XKR6: variants seen among roughly 807,000 people sequenced by gnomAD.
The protein encoded by XKR6 is XK-related protein 6.
A neutral mutation model predicts 56.7 loss-of-function variants in XKR6; 22 were observed. The ratio of observed to expected loss-of-function variants is 0.39; its 90% CI spans 0.28 to 0.55. The LOEUF (loss-of-function observed/expected upper bound fraction) is 0.55. Ranked by LOEUF, XKR6 falls within the 20% of genes least tolerant of loss-of-function variation. XKR6 has a pLI of 0.66. For synonymous variants in XKR6, 524 were observed against 387.8 expected (o/e 1.35, Z -4.13); for missense variants, 852 against 889.0 (o/e 0.96, Z 0.53).
Position 10,898,627 on chromosome 8 carries a change from G to A in XKR6, c.1251C>T (p.Leu417=). The change falls in exon 3 of 3, where the codon CTC becomes CTT. Residue 417 remains leucine (L), a synonymous_variant. Transcript: ENST00000416569. The surrounding 1 kb of genome is among the most constrained non-coding windows in gnomAD (Gnocchi z 6.6). Reference sequence around the variant, plus strand: ...ACACGATCCCTACCACCATGTTGAAGAGGATCTCCTCCCACTTGGACATGC... The same window carrying A: ...ACACGATCCCTACCACCATGTTGAAAAGGATCTCCTCCCACTTGGACATGC... ...DFCMSKWEEI[L]FNMVVGIVYI... 6.2e-7 allele frequency: 1 copy of A among 1,614,176 alleles called. No homozygotes were observed. Among genetic ancestry groups the A allele is most frequent in the Non-Finnish European group, 8.5e-7 (1 of 1,180,040 alleles).
chr8:11,123,629 A>G (rs1323512533), intron 1 of XKR6: 1 of 330,444 alleles, frequency 3.0e-6, no homozygotes, highest in Non-Finnish European at 6.0e-6. Context: ...AGTTTAAGAT[A>G]CTTGGCTATA....
At chr8:11,055,674 G>A (rs968707730) in intron 1 of XKR6, among the ~76,000 whole-genome samples, 2 of 152,316 alleles carry the variant, frequency 1.3e-5, no homozygotes, top group South Asian at 4.1e-4. Flanking sequence ...CATGGACGGG[G>A]GCCTCCTGGA....
At position 11,200,752 on chromosome 8, in the gene XKR6, C is replaced by T; in HGVS notation, c.588G>A (p.Val196=). ...GGGGGCCCCGGCTGGTGAGCCCCTC[C>T]ACGGCGCCCAGCCCGCCGCCCGTGT... ...QDYTGGGLGA[V]EGLTSRGPPM... is the part of the protein sequence containing the mutation. Residue 196 remains valine, a synonymous_variant, in exon 1 of 3, where the codon GTG becomes GTA. Coordinates refer to ENST00000416569, the MANE Select transcript of XKR6 (RefSeq NM_173683.4). The surrounding 1 kb of genome is among the most constrained non-coding windows in gnomAD (Gnocchi z 6.4). 6.3e-7 allele frequency: 1 copy of T among 1,597,274 alleles called. No individual in the cohort carries two copies. The highest frequency in any genetic ancestry group is 1.1e-5 in the South Asian group (1 of 89,302).
intron 1 of XKR6, among the ~76,000 whole-genome samples, chr8:10,988,338 G>A (rs1797909870): frequency 1.3e-5 from 2 of 152,200 alleles, no homozygotes; most frequent in Non-Finnish European, 2.9e-5. Flanking sequence ...TGAATGAGTA[G>A]GTGAATTAAC....
chr8:11,047,705 T>G (rs11989589), intron 1 of XKR6, among the ~76,000 whole-genome samples: 1 of 152,208 alleles, frequency 6.6e-6, no homozygotes, highest in African/African-American at 2.4e-5. Flanking sequence ...ATAGTGGTGA[T>G]GGTTGCACAA....
At chr8:10,976,101 G>A (rs995971870) in intron 1 of XKR6, among the ~76,000 whole-genome samples, 15 of 152,078 alleles carry the variant, frequency 9.9e-5, no homozygotes, top group East Asian at 3.9e-4. Flanking sequence ...GCATGAACCC[G>A]GGAGGTGGAG....
intron 1 of XKR6, among the ~76,000 whole-genome samples, chr8:10,971,433 ATTAATTTAATTTAAT>A (rs768644281): frequency 6.6e-6 from 1 of 152,088 alleles, no homozygotes; most frequent in Non-Finnish European, 1.5e-5. Context: ...AAAGTAATTA[ATTAATTTAATTTAAT>A]TTAATTTAAT....
chr8:11,021,454 A>G (rs879289256), intron 1 of XKR6, among the ~76,000 whole-genome samples: 1 of 152,212 alleles, frequency 6.6e-6, no homozygotes, highest in Non-Finnish European at 1.5e-5. Flanking sequence ...TTGTTTAAGC[A>G]ATGGTTTACA....
At chr8:10,916,824 G>C (rs1288428456) in intron 2 of XKR6, among the ~76,000 whole-genome samples, 1 of 152,208 alleles carries the variant, frequency 6.6e-6, no homozygotes, top group African/African-American at 2.4e-5. Context: ...TTTGGACGCA[G>C]TCAGTCTGAG....
intron 1 of XKR6, among the ~76,000 whole-genome samples, chr8:10,971,054 T>C (rs1802394436): frequency 6.6e-6 from 1 of 151,524 alleles, no homozygotes; most frequent in Non-Finnish European, 1.5e-5. Context: ...GGCGTGTCTA[T>C]TCTTTGACCT....
intron 1 of XKR6, among the ~76,000 whole-genome samples, chr8:10,962,151 A>T (rs560437034): frequency 6.6e-6 from 1 of 152,368 alleles, no homozygotes; most frequent in South Asian, 2.1e-4. Flanking sequence ...CTAGAAGCAC[A>T]CAGGGGACTT....
intron 1 of XKR6, among the ~76,000 whole-genome samples, chr8:11,115,068 G>A (rs1256580191): frequency 1.3e-5 from 2 of 152,116 alleles, no homozygotes; most frequent in African/African-American, 2.4e-5. Flanking sequence ...TCTGGGCTAT[G>A]ATGCTAAGGA....
chr8:11,104,801 G>C (rs75748119), intron 1 of XKR6: 1 of 152,214 alleles, frequency 6.6e-6, no homozygotes, highest in South Asian at 2.1e-4. Context: ...AAGATCAAGT[G>C]TGAAAAGTGA....
intron 1 of XKR6, chr8:11,066,821 C>T (rs1156801936): frequency 6.6e-6 from 1 of 152,234 alleles, no homozygotes; most frequent in East Asian, 1.9e-4. Flanking sequence ...CCACCTGCAA[C>T]AGGCTGGGGG....
intron 1 of XKR6, among the ~76,000 whole-genome samples, chr8:11,100,960 G>C (rs959733549): frequency 2.0e-5 from 3 of 152,176 alleles, no homozygotes; most frequent in African/African-American, 7.2e-5. Flanking sequence ...TTAGGAGACA[G>C]TTTCCTCACC....
At chr8:11,038,289 G>C (rs1001887233) in intron 1 of XKR6, among the ~76,000 whole-genome samples, 1 of 152,124 alleles carries the variant, frequency 6.6e-6, no homozygotes, top group Non-Finnish European at 1.5e-5. Context: ...TTAAATGTTA[G>C]AAAATTACTA....
chr8:10,986,055 G>T (rs1028885565), intron 1 of XKR6, among the ~76,000 whole-genome samples: 1 of 152,180 alleles, frequency 6.6e-6, no homozygotes, highest in Non-Finnish European at 1.5e-5. Flanking sequence ...ACAGAATAGT[G>T]GAAACAATAT....
intron 1 of XKR6, among the ~76,000 whole-genome samples, chr8:11,158,027 T>C (rs1249236519): frequency 6.6e-6 from 1 of 152,190 alleles, no homozygotes; most frequent in Non-Finnish European, 1.5e-5. Context: ...ACTTAAAAGT[T>C]GGTGATTGGT....
intron 1 of XKR6, among the ~76,000 whole-genome samples, chr8:10,960,333 T>G (rs1802025700): frequency 1.3e-5 from 2 of 152,022 alleles, no homozygotes; most frequent in South Asian, 4.1e-4. Flanking sequence ...TCAAGGGAAC[T>G]CTCAAGCCCG....
Sources: gnomAD v4.1 joint callset for allele counts (sites outside exome capture counted in the v4.1 genomes callset) on GRCh38, gnomAD v4.1.1 for gene constraint, Gnocchi (gnomAD v3.1) non-coding constraint, MANE v1.5 for transcripts, NCBI Gene and HGNC (gene_info 2026-07-23, HGNC 2026-07-21) for gene names.